Variants in CPQ observed in about 807,000 individuals in gnomAD.
CPQ encodes the protein carboxypeptidase Q, also known as Ser-Met dipeptidase.
A neutral mutation model predicts 45.7 loss-of-function variants in CPQ; 37 were observed. That is an observed-to-expected ratio of 0.81 (90% CI 0.62 to 1.07). The LOEUF (loss-of-function observed/expected upper bound fraction) is 1.07, where lower values mean the gene tolerates loss of function less well. CPQ is among the 50% of genes least tolerant of loss of function. CPQ has a pLI of 0.00. For missense variants in CPQ, 537 were observed against 572.9 expected (o/e 0.94, Z 0.64); for synonymous variants, 186 against 205.8 (o/e 0.90, Z 0.82).
chr8:97,111,176 G>GCACACA (rs1811493007), intron 7 of CPQ, among the ~76,000 whole-genome samples: 1 of 152,138 alleles, frequency 6.6e-6, no homozygotes, highest in Non-Finnish European at 1.5e-5. Flanking sequence ...TATTCCTTGG[G>GCACACA]TGTGCCTGAT....
At chr8:96,895,053 T>G (rs1240445806) in intron 4 of CPQ, among the ~76,000 whole-genome samples, 1 of 152,194 alleles carries the variant, frequency 6.6e-6, no homozygotes, top group South Asian at 2.1e-4. Context: ...GCCGTCCGTG[T>G]GTTACCCACT....
intron 6 of CPQ, among the ~76,000 whole-genome samples, chr8:97,044,207 A>T (rs1313252865): frequency 6.6e-6 from 1 of 151,980 alleles, no homozygotes; most frequent in Non-Finnish European, 1.5e-5. Context: ...TTCTCTAAAA[A>T]TCCCTTCTCG....
At chr8:96,683,071 G>T (rs191065909) in intron 1 of CPQ, among the ~76,000 whole-genome samples, 1 of 151,902 alleles carries the variant, frequency 6.6e-6, no homozygotes, top group Non-Finnish European at 1.5e-5. Flanking sequence ...TTTCTTTAGC[G>T]GTAATGTTTC....
chr8:97,142,935 C>T (rs771792133), intron 7 of CPQ, 85 bp from the exon 8 acceptor site: 84 of 1,321,928 alleles, frequency 6.4e-5, no homozygotes, highest in Non-Finnish European at 7.7e-5. Context: ...ATAATAGGAG[C>T]AGGCAAAAGT....
intron 4 of CPQ, among the ~76,000 whole-genome samples, chr8:96,904,407 G>C (rs1160751665): frequency 6.6e-6 from 1 of 152,048 alleles, no homozygotes; most frequent in African/African-American, 2.4e-5. Context: ...TTGTTGTTTT[G>C]TTTTTGTTTT....
At chr8:97,121,575 T>C (rs1331443506) in intron 7 of CPQ, among the ~76,000 whole-genome samples, 1 of 152,104 alleles carries the variant, frequency 6.6e-6, no homozygotes. Flanking sequence ...AAAGACAATC[T>C]AGACAGACAC....
At chr8:96,736,949 T>C (rs1809990942) in intron 1 of CPQ, among the ~76,000 whole-genome samples, 2 of 152,114 alleles carry the variant, frequency 1.3e-5, no homozygotes, top group African/African-American at 4.8e-5. Context: ...GCTACATCTG[T>C]AGTTGTGTCC....
intron 4 of CPQ, among the ~76,000 whole-genome samples, chr8:96,899,396 T>C (rs1812485881): frequency 1.3e-5 from 2 of 152,198 alleles, no homozygotes; most frequent in African/African-American, 2.4e-5. Flanking sequence ...TACATTGTAT[T>C]AGACCATTCT....
intron 7 of CPQ, among the ~76,000 whole-genome samples, chr8:97,095,910 T>C (rs1419525651): frequency 2.0e-5 from 3 of 152,216 alleles, no homozygotes; most frequent in Non-Finnish European, 4.4e-5. Context: ...AGTTGGCTAC[T>C]TGTTTTTCTT....
chr8:97,006,421 C>A (rs1809384592), intron 5 of CPQ, among the ~76,000 whole-genome samples: 1 of 152,096 alleles, frequency 6.6e-6, no homozygotes, highest in Non-Finnish European at 1.5e-5. Context: ...TACCACTTCA[C>A]CTTTTATAGT....
intron 4 of CPQ, among the ~76,000 whole-genome samples, chr8:96,963,049 T>TACCA (rs1362331206): frequency 6.6e-6 from 1 of 152,218 alleles, no homozygotes; most frequent in Non-Finnish European, 1.5e-5. Flanking sequence ...ATTTTTTAAC[T>TACCA]ACCAGTTTAA....
In CPQ at chr8:96,730,866, CATATAT is replaced by C. The variant is rs35247469; in HGVS notation, c.-34-53977_-34-53972del. Among the ~76,000 whole-genome samples the C allele has an allele frequency of 8.0e-3, 552 of 68,694 alleles. 22 individuals are homozygous for C. Among genetic ancestry groups the C allele is most frequent in the African/African-American group, 0.022 (431 of 19,700 alleles). 45.1% of individuals were successfully genotyped at this position (68,694 alleles called of 152,430 possible). On this transcript the variant is annotated intron_variant, in intron 1 of 7. Coordinates refer to ENST00000220763, the MANE Select transcript of CPQ (RefSeq NM_016134.4). The stretch of plus-strand genomic sequence containing the variant: ...GATCTAGATCAATTAACCATACATA[CATATAT>C]ATATATATATATATATATATGCATT...
intron 4 of CPQ, among the ~76,000 whole-genome samples, chr8:96,932,616 C>G (rs981783529): frequency 6.6e-6 from 1 of 152,132 alleles, no homozygotes; most frequent in African/African-American, 2.4e-5. Context: ...TTCCAGTCAT[C>G]GTGAATTACA....
chr8:96,896,535 G>A (rs1243871427), intron 4 of CPQ, among the ~76,000 whole-genome samples: 1 of 151,744 alleles, frequency 6.6e-6, no homozygotes, highest in African/African-American at 2.4e-5. Flanking sequence ...TCATTTATTT[G>A]TTGATTGTTT....
At chr8:96,812,335 T>G (rs1811169494) in intron 2 of CPQ, among the ~76,000 whole-genome samples, 1 of 152,192 alleles carries the variant, frequency 6.6e-6, no homozygotes, top group Non-Finnish European at 1.5e-5. Flanking sequence ...CATTTAAGTT[T>G]ACATTAATTT....
chr8:96,904,737 G>T (rs1261094182), intron 4 of CPQ, among the ~76,000 whole-genome samples: 1 of 152,136 alleles, frequency 6.6e-6, no homozygotes, highest in Admixed American at 6.6e-5. Context: ...CAAGCTGCCT[G>T]GGTCATTCTG....
At chr8:97,122,520 G>A (rs181409389) in intron 7 of CPQ, among the ~76,000 whole-genome samples, 13 of 152,142 alleles carry the variant, frequency 8.5e-5, no homozygotes, top group South Asian at 4.1e-4. Context: ...AAGAAATGTC[G>A]AAGGGAATTT....
At chr8:96,824,661 C>G (rs145129100) in intron 2 of CPQ, among the ~76,000 whole-genome samples, 1 of 151,936 alleles carries the variant, frequency 6.6e-6, no homozygotes, top group Non-Finnish European at 1.5e-5. Flanking sequence ...AATCAAGCTA[C>G]GAGCTCCTAT....
intron 2 of CPQ, among the ~76,000 whole-genome samples, chr8:96,804,953 A>T (rs567892096): frequency 2.6e-5 from 4 of 152,244 alleles, no homozygotes; most frequent in African/African-American, 9.6e-5. Context: ...CCCTTAGTTC[A>T]TGGAATTGAA....
Sources: gnomAD v4.1 joint callset for allele counts (sites outside exome capture counted in the v4.1 genomes callset) on GRCh38, gnomAD v4.1.1 for gene constraint, MANE v1.5 for transcripts, NCBI Gene and HGNC (gene_info 2026-07-23, HGNC 2026-07-21) for gene names.